Variants in INTS4 observed in about 807,000 individuals in gnomAD.
INTS4 encodes the protein MSTP093.
In INTS4, 70 loss-of-function variants were observed where a neutral mutation model predicts 119.5. That is an observed-to-expected ratio of 0.59 (90% CI 0.48 to 0.71). INTS4 has a LOEUF of 0.71. Among genes scored for constraint, INTS4 ranks in the 30% least tolerant of loss-of-function variants. The pLI is 0.00. For missense variants in INTS4, 867 were observed against 1,173.2 expected, an observed-to-expected ratio of 0.74 and a Z score of 3.81; for synonymous variants, 316 against 419.6, an observed-to-expected ratio of 0.75 and a Z score of 3.02.
intron 9 of INTS4, among the ~76,000 whole-genome samples, chr11:77,939,158 G>T (rs1228725735): frequency 1.3e-5 from 2 of 152,186 alleles, no homozygotes; most frequent in African/African-American, 4.8e-5. Context: ...AGCCATCTTG[G>T]GTAGACAATA....
intron 10 of INTS4, among the ~76,000 whole-genome samples, chr11:77,936,143 A>G (rs1953785384): frequency 6.6e-6 from 1 of 152,096 alleles, no homozygotes; most frequent in Non-Finnish European, 1.5e-5. Context: ...ATTATCAGAC[A>G]TGAAAAGACA....
chr11:77,895,527 G>GAAAAAAAAA (rs71046921), intron 18 of INTS4, among the ~76,000 whole-genome samples: 1 of 39,232 alleles, frequency 2.5e-5, no homozygotes, highest in South Asian at 1.4e-3. Flanking sequence ...TTCTTTTCCT[G>GAAAAAAAAA]AAAAAAAAAA....
At chr11:77,911,511 G>A (rs1452455935) in intron 15 of INTS4, among the ~76,000 whole-genome samples, 1 of 152,192 alleles carries the variant, frequency 6.6e-6, no homozygotes, top group Non-Finnish European at 1.5e-5. Context: ...GATTCCAAAT[G>A]TTACTTTATT....
intron 8 of INTS4, among the ~76,000 whole-genome samples, chr11:77,945,114 G>A (rs575669072): frequency 2.0e-5 from 3 of 152,356 alleles, no homozygotes; most frequent in Admixed American, 2.0e-4. Context: ...AGGGAAGGGA[G>A]TGAGGTTTCC....
intron 4 of INTS4, among the ~76,000 whole-genome samples, chr11:77,961,581 CAGATT>C (rs1424849553): frequency 6.6e-6 from 1 of 152,132 alleles, no homozygotes; most frequent in Non-Finnish European, 1.5e-5. Flanking sequence ...AACAAGCACC[CAGATT>C]AAATAGTATA....
At chr11:77,883,621 T>C (rs763643288) in intron 22 of INTS4, among the ~76,000 whole-genome samples, 7 of 152,134 alleles carry the variant, frequency 4.6e-5, no homozygotes, top group Non-Finnish European at 7.3e-5. Flanking sequence ...CAGAATCTTA[T>C]CTCTCATGCA....
chr11:77,877,946 A>G (rs1951644396), downstream of INTS4, among the ~76,000 whole-genome samples: 1 of 152,128 alleles, frequency 6.6e-6, no homozygotes, highest in Non-Finnish European at 1.5e-5. Context: ...GCAGTAAATT[A>G]CTTTATTTCT....
intron 16 of INTS4, among the ~76,000 whole-genome samples, chr11:77,905,833 A>C (rs1952934805): frequency 6.6e-6 from 1 of 152,148 alleles, no homozygotes; most frequent in African/African-American, 2.4e-5. Flanking sequence ...CTTTCCCTTT[A>C]TGACCAATTT....
In INTS4 at chr11:77,956,017, A is replaced by G; in HGVS notation, c.843T>C (p.Asp281=). The part of the protein sequence containing the change: ...PSSNEEIRLV[D]DAFGKICHMV... Reference sequence around the variant, plus strand: ...TGTGACAAATTTTGCCAAACGCATCATCAACTAAGCGTATTTCTTCATTAG... The same window carrying G: ...TGTGACAAATTTTGCCAAACGCATCGTCAACTAAGCGTATTTCTTCATTAG... Residue 281 remains aspartate (D), a synonymous_variant, in exon 8 of 23, where the codon GAT becomes GAC. Coordinates refer to ENST00000534064, the MANE Select transcript of INTS4 (RefSeq NM_033547.4). 6.2e-7 allele frequency: 1 copy of G among 1,610,288 alleles called. No homozygotes were observed. The highest frequency in any genetic ancestry group is 8.5e-7 in the Non-Finnish European group (1 of 1,179,470).
intron 11 of INTS4, among the ~76,000 whole-genome samples, chr11:77,925,482 A>T (rs934755423): frequency 6.6e-6 from 1 of 152,220 alleles, no homozygotes; most frequent in African/African-American, 2.4e-5. Flanking sequence ...TCAATTTATT[A>T]AAAAAACACA....
At chr11:77,905,936 T>C (rs1209891574) in intron 16 of INTS4, among the ~76,000 whole-genome samples, 1 of 152,220 alleles carries the variant, frequency 6.6e-6, no homozygotes, top group African/African-American at 2.4e-5. Context: ...ATGTATGTTG[T>C]TATTGTCTGT....
downstream of INTS4, among the ~76,000 whole-genome samples, chr11:77,875,322 A>G (rs1344697165): frequency 6.6e-6 from 1 of 152,220 alleles, no homozygotes. Flanking sequence ...GCGTGTAAAC[A>G]TTACAGTGAG....
intron 15 of INTS4, among the ~76,000 whole-genome samples, chr11:77,910,255 A>G (rs1284682116): frequency 1.3e-5 from 2 of 151,950 alleles, no homozygotes; most frequent in East Asian, 3.8e-4. Context: ...ATGGAATACT[A>G]TGCAGCCATA....
chr11:77,932,660 A>G (rs1277066595), intron 10 of INTS4, among the ~76,000 whole-genome samples: 9 of 152,166 alleles, frequency 5.9e-5, no homozygotes, highest in Non-Finnish European at 1.3e-4. Flanking sequence ...ATGCACACAT[A>G]TGTTTATTGC....
At chr11:77,975,422 G>A (rs1855906052) in intron 4 of INTS4, among the ~76,000 whole-genome samples, 1 of 151,486 alleles carries the variant, frequency 6.6e-6, no homozygotes, top group South Asian at 2.1e-4. Context: ...TCATCCCACT[G>A]TGGTCAGAAA....
rs1453985807 is a variant in INTS4, at chr11:77,908,448, C to T, written c.1923-638G>A. 6.6e-5 allele frequency among the ~76,000 whole-genome samples: 10 copies of T among 151,952 alleles called. No homozygotes were observed. In the East Asian group the frequency reaches 1.4e-3, roughly 21 times the overall value. On this transcript the variant is annotated intron_variant, in intron 15 of 22. Coordinates refer to ENST00000534064, the MANE Select transcript of INTS4 (RefSeq NM_033547.4). ...GGTTCAAGCGATTCTCCTGCCTTAG[C>T]CTCCTGACTAGCTGGGATTGCAGAC...
chr11:77,938,914 A>G (rs1392612704), intron 9 of INTS4, 89 bp from the exon 10 acceptor site: 68 of 908,328 alleles, frequency 7.5e-5, no homozygotes, highest in Non-Finnish European at 1.0e-4. Context: ...GCAGAAAATA[A>G]AACTGCTCTT....
intron 21 of INTS4, among the ~76,000 whole-genome samples, chr11:77,888,684 G>T (rs1952125827): frequency 1.3e-5 from 2 of 151,968 alleles, no homozygotes; most frequent in African/African-American, 4.8e-5. Flanking sequence ...ATCTGACAAA[G>T]GGCTAATATC....
intron 8 of INTS4, among the ~76,000 whole-genome samples, chr11:77,946,691 G>T (rs952524490): frequency 6.6e-6 from 1 of 151,392 alleles, no homozygotes; most frequent in African/African-American, 2.4e-5. Context: ...AACCCAGGAG[G>T]AGAAGGTTGC....
Sources: gnomAD v4.1 joint callset for allele counts (sites outside exome capture counted in the v4.1 genomes callset) on GRCh38, gnomAD v4.1.1 for gene constraint, MANE v1.5 for transcripts, NCBI Gene and HGNC (gene_info 2026-07-23, HGNC 2026-07-21) for gene names.